CHD1: variants seen among roughly 807,000 people sequenced by gnomAD.
The protein encoded by CHD1 is chromodomain helicase DNA binding protein 1.
CHD1 carries 36 observed loss-of-function variants against 224.2 expected under a neutral mutation model. The observed-to-expected ratio is 0.16, with a 90% confidence interval of 0.12 to 0.21. The LOEUF (loss-of-function observed/expected upper bound fraction) is 0.21. CHD1 is among the 10% of genes least tolerant of loss of function. The probability of loss-of-function intolerance (pLI) is 1.00; values close to 1 mark genes in which losing one functional copy is unlikely to be tolerated. For synonymous variants in CHD1, 668 were observed against 658.3 expected (o/e 1.01, Z -0.23); for missense variants, 1,378 against 1,994.8 (o/e 0.69, Z 5.89).
chr5:98,870,001 T>A, intron 29 of CHD1, 119 bp from the exon 30 acceptor site: 1 of 683,324 alleles, frequency 1.5e-6, no homozygotes, highest in Non-Finnish European at 2.4e-6. Flanking sequence ...CTATTGGTAA[T>A]AAGCTGTACC....
chr5:98,896,195 T>G, intron 12 of CHD1, 31 bp downstream of exon 12: 1 of 1,549,698 alleles, frequency 6.5e-7, no homozygotes, highest in Non-Finnish European at 8.9e-7. Context: ...AAGTACATTT[T>G]GATTTCTACA....
intron 2 of CHD1, among the ~76,000 whole-genome samples, chr5:98,920,286 G>A (rs1753006627): frequency 6.6e-6 from 1 of 152,074 alleles, no homozygotes; most frequent in African/African-American, 2.4e-5. Flanking sequence ...TTGAAAGTAG[G>A]CTAGACAAAA....
chr5:98,898,151 C>A, intron 10 of CHD1, 105 bp downstream of exon 10: 1 of 561,322 alleles, frequency 1.8e-6, no homozygotes, highest in South Asian at 8.6e-5. Context: ...AAATATTCTC[C>A]CTTAGTCTAT....
At chr5:98,919,823 C>T (rs750452801) in intron 2 of CHD1, among the ~76,000 whole-genome samples, 1 of 152,158 alleles carries the variant, frequency 6.6e-6, no homozygotes, top group South Asian at 2.1e-4. Flanking sequence ...CTAGCTCTGT[C>T]TACTTTGTTC....
intron 2 of CHD1, among the ~76,000 whole-genome samples, chr5:98,923,634 G>A (rs1402542341): frequency 3.3e-5 from 5 of 152,008 alleles, no homozygotes; most frequent in South Asian, 2.1e-4. Context: ...AGGTGGTCTC[G>A]AACTCCCAAC....
At position 98,898,334 on chromosome 5, in the gene CHD1, A is replaced by G; in HGVS notation, c.1287T>C (p.Ile429=). The change falls in exon 10 of 36, where the codon ATT becomes ATC. Residue 429 remains isoleucine (I), a synonymous_variant. Coordinates refer to ENST00000614616, the MANE Select transcript of CHD1 (RefSeq NM_001270.4). ...SECSWEDGAL[I]SKKFQACIDE... Reference sequence around the variant, plus strand: ...CAATGCATGCTTGAAACTTTTTGGAAATGAGAGCTCCATCTTCCCAGCTGC... The same window carrying G: ...CAATGCATGCTTGAAACTTTTTGGAGATGAGAGCTCCATCTTCCCAGCTGC... 3 of 1,602,398 alleles carry G rather than the reference A, an allele frequency of 1.9e-6. No homozygotes were observed. Among genetic ancestry groups the G allele is most frequent in the Non-Finnish European group, 2.6e-6 (3 of 1,174,822 alleles).
chr5:98,910,796 C>A (rs1286019003), intron 2 of CHD1, among the ~76,000 whole-genome samples: 1 of 152,022 alleles, frequency 6.6e-6, no homozygotes, highest in Admixed American at 6.6e-5. Flanking sequence ...ACTGCATATA[C>A]TCCATTTTGT....
chr5:98,887,207 T>C (rs1190289779), intron 17 of CHD1, among the ~76,000 whole-genome samples: 1 of 152,100 alleles, frequency 6.6e-6, no homozygotes, highest in Non-Finnish European at 1.5e-5. Context: ...CTCTTCTACG[T>C]TTTCCCCTAA....
chr5:98,894,103 A>G (rs1751196080), intron 13 of CHD1, among the ~76,000 whole-genome samples: 2 of 152,228 alleles, frequency 1.3e-5, no homozygotes, highest in Admixed American at 6.5e-5. Flanking sequence ...ACCACAGCCA[A>G]GTTCATTAAA....
chr5:98,918,769 C>CAA (rs377628623), intron 2 of CHD1, among the ~76,000 whole-genome samples: 1 of 134,922 alleles, frequency 7.4e-6, no homozygotes. Flanking sequence ...AAAAAAAAAA[C>CAA]AAAAAAAAAA....
chr5:98,925,795 A>G (rs984596995), intron 2 of CHD1, among the ~76,000 whole-genome samples: 1 of 151,718 alleles, frequency 6.6e-6, no homozygotes, highest in Non-Finnish European at 1.5e-5. Context: ...AATGTTTTCT[A>G]TGTGCTGTCC....
chr5:98,858,850 G>C, intron 34 of CHD1, 114 bp downstream of exon 34: 1 of 566,178 alleles, frequency 1.8e-6, no homozygotes, highest in South Asian at 3.1e-5. Context: ...TAATATAAAG[G>C]TACTTATAAA....
At chr5:98,913,497 T>C (rs1752551983) in intron 2 of CHD1, among the ~76,000 whole-genome samples, 1 of 152,106 alleles carries the variant, frequency 6.6e-6, no homozygotes, top group African/African-American at 2.4e-5. Context: ...GGCAGCCTTC[T>C]TTTAGGGAAT....
At chr5:98,878,217 GAA>G (rs1749906075) in intron 23 of CHD1, among the ~76,000 whole-genome samples, 1 of 152,228 alleles carries the variant, frequency 6.6e-6, no homozygotes, top group East Asian at 1.9e-4. Flanking sequence ...GAAGACTGGA[GAA>G]AACTTTCCTC....
chr5:98,898,633 GA>G, intron 9 of CHD1, 30 bp downstream of exon 9: 1 of 1,377,852 alleles, frequency 7.3e-7, no homozygotes. Flanking sequence ...AGCATAAAAA[GA>G]AAGTTTAACT....
intron 23 of CHD1, among the ~76,000 whole-genome samples, chr5:98,877,438 T>G (rs1004742386): frequency 9.2e-5 from 14 of 152,254 alleles, no homozygotes; most frequent in Non-Finnish European, 1.9e-4. Context: ...GCTGTCTTTT[T>G]TTCCGTTCTG....
intron 16 of CHD1, 41 bp from the exon 17 acceptor site, chr5:98,888,281 A>G (rs775257113): frequency 2.8e-6 from 4 of 1,451,784 alleles, no homozygotes; most frequent in South Asian, 1.3e-5. Context: ...AAAAGACATA[A>G]ATGGTAAGTT....
chr5:98,876,211 T>C (rs924383445), intron 24 of CHD1, among the ~76,000 whole-genome samples, 187 bp downstream of exon 24: 2 of 152,208 alleles, frequency 1.3e-5, no homozygotes, highest in Non-Finnish European at 2.9e-5. Context: ...ATGCAAAGAT[T>C]AGACACCAAA....
intron 18 of CHD1, among the ~76,000 whole-genome samples, chr5:98,884,708 G>GT: frequency 1.3e-5 from 2 of 150,674 alleles, no homozygotes; most frequent in African/African-American, 4.9e-5. Context: ...TTGTTTTTGG[G>GT]TTTTTTCTTT....
Sources: gnomAD v4.1 joint callset for allele counts (sites outside exome capture counted in the v4.1 genomes callset) on GRCh38, gnomAD v4.1.1 for gene constraint, MANE v1.5 for transcripts, NCBI Gene and HGNC (gene_info 2026-07-23, HGNC 2026-07-21) for gene names.